The following SPAG16 variants were observed in gnomAD, a reference collection of about 807,000 sequenced individuals.
The protein encoded by SPAG16 is sperm associated antigen 16, also known as sperm-associated antigen 16 protein.
SPAG16 carries 86 observed loss-of-function variants against 80.4 expected under a neutral mutation model. The ratio of observed to expected loss-of-function variants is 1.07; its 90% confidence interval spans 0.90 to 1.28. The LOEUF (loss-of-function observed/expected upper bound fraction) is 1.28. SPAG16 is among the 50% of genes most tolerant of loss of function. The pLI is 0.00. For missense variants in SPAG16, 870 were observed against 765.3 expected, an observed-to-expected ratio of 1.14 and a Z score of -1.61; for synonymous variants, 294 against 265.9, an observed-to-expected ratio of 1.11 and a Z score of -1.03.
chr2:213,551,730 T>C (rs16850461), intron 10 of SPAG16, among the ~76,000 whole-genome samples: 7,765 of 152,274 alleles, frequency 0.051, 682 homozygotes, highest in African/African-American at 0.18. Flanking sequence ...CTGACCACTT[T>C]CTTTTCTGTG....
chr2:213,829,196 A>G (rs560934820), intron 10 of SPAG16, among the ~76,000 whole-genome samples: 2 of 152,126 alleles, frequency 1.3e-5, no homozygotes, highest in Admixed American at 6.5e-5. Flanking sequence ...AACCTTAGAA[A>G]TTTCCCTGAA....
intron 11 of SPAG16, among the ~76,000 whole-genome samples, chr2:213,866,351 C>T (rs997262333): frequency 9.2e-5 from 14 of 151,878 alleles, no homozygotes; most frequent in African/African-American, 3.4e-4. Context: ...AAAATGAAAG[C>T]AGTTGTATGT....
chr2:213,804,682 CAACTAACTAACT>C (rs75058174), intron 10 of SPAG16, among the ~76,000 whole-genome samples: 13,009 of 148,660 alleles, frequency 0.088, 826 homozygotes, highest in Non-Finnish European at 0.12. Context: ...GACTCCGTCT[CAACTAACTAACT>C]AACTAACTAA....
intron 10 of SPAG16, among the ~76,000 whole-genome samples, chr2:213,855,183 A>C (rs1638718655): frequency 1.3e-5 from 2 of 152,246 alleles, no homozygotes. Context: ...TTAGAAAATG[A>C]CAAAAAAGAC....
At chr2:214,212,698 G>T (rs905081129) in intron 15 of SPAG16, among the ~76,000 whole-genome samples, 1 of 152,188 alleles carries the variant, frequency 6.6e-6, no homozygotes, top group African/African-American at 2.4e-5. Flanking sequence ...ACCCCAGCTA[G>T]CTCTACTCTT....
chr2:213,914,747 T>C (rs2077868773), intron 11 of SPAG16, among the ~76,000 whole-genome samples: 1 of 152,206 alleles, frequency 6.6e-6, no homozygotes, highest in Admixed American at 6.5e-5. Context: ...GTGATATTGA[T>C]CTTTATTTCA....
intron 15 of SPAG16, among the ~76,000 whole-genome samples, chr2:214,226,292 C>T (rs2058696220): frequency 6.6e-6 from 1 of 151,966 alleles, no homozygotes; most frequent in African/African-American, 2.4e-5. Flanking sequence ...GTACATGGGA[C>T]AAAGTGAAAA....
intron 10 of SPAG16, among the ~76,000 whole-genome samples, chr2:213,618,584 C>G (rs554850830): frequency 6.6e-6 from 1 of 152,180 alleles, no homozygotes; most frequent in Non-Finnish European, 1.5e-5. Context: ...AACAGGGGCA[C>G]AGAAGGCCCT....
chr2:214,363,360 C>T (rs772744828), intron 15 of SPAG16, among the ~76,000 whole-genome samples: 5 of 151,850 alleles, frequency 3.3e-5, no homozygotes, highest in Admixed American at 6.6e-5. Context: ...ACCTGTTGAC[C>T]GCTCCTTATT....
At chr2:213,725,140 C>T (rs1442637715) in intron 10 of SPAG16, among the ~76,000 whole-genome samples, 1 of 151,952 alleles carries the variant, frequency 6.6e-6, no homozygotes, top group Non-Finnish European at 1.5e-5. Flanking sequence ...TCAGGTGATA[C>T]TCCCACCTCA....
intron 11 of SPAG16, among the ~76,000 whole-genome samples, chr2:213,906,442 CA>C (rs2077437381): frequency 1.3e-5 from 2 of 152,118 alleles, no homozygotes; most frequent in East Asian, 3.9e-4. Flanking sequence ...CCGTAATACC[CA>C]AAGTGACCTA....
chr2:213,409,645 G>T (rs188351742), intron 9 of SPAG16, among the ~76,000 whole-genome samples: 2,182 of 152,108 alleles, frequency 0.014, 58 homozygotes, highest in Non-Finnish European at 0.017. Context: ...TATCTACAAA[G>T]TTTTATTAAA....
At chr2:214,149,090 T>TATATAC (rs1553515482) in intron 14 of SPAG16, 50 bp from the exon 15 acceptor site, 119 of 616,834 alleles carry the variant, frequency 1.9e-4, no homozygotes, top group African/African-American at 1.9e-3. Context: ...TATATATATA[T>TATATAC]ATATATACAT....
intron 11 of SPAG16, among the ~76,000 whole-genome samples, chr2:213,866,056 T>A (rs189285172): frequency 1.3e-5 from 2 of 151,516 alleles, no homozygotes; most frequent in East Asian, 3.9e-4. Flanking sequence ...TTGAAGAAAC[T>A]GAGTTTTAAA....
intron 1 of SPAG16, among the ~76,000 whole-genome samples, chr2:213,287,477 G>A (rs2062097190): frequency 6.6e-6 from 1 of 152,178 alleles, no homozygotes; most frequent in Non-Finnish European, 1.5e-5. Flanking sequence ...CTTTGTTCAA[G>A]GAATAGTAAA....
intron 10 of SPAG16, among the ~76,000 whole-genome samples, chr2:213,498,728 C>T (rs2074603681): frequency 6.6e-6 from 1 of 152,080 alleles, no homozygotes; most frequent in African/African-American, 2.4e-5. Context: ...AACTTTCTCC[C>T]ATTTTATTTA....
chr2:213,902,302 T>TTTTCACAGC (rs370468928), intron 11 of SPAG16, among the ~76,000 whole-genome samples: 231 of 152,290 alleles, frequency 1.5e-3, no homozygotes, highest in African/African-American at 5.4e-3. Context: ...ATTTATGTAT[T>TTTTCACAGC]AGTCTGTTTT....
intron 11 of SPAG16, among the ~76,000 whole-genome samples, chr2:213,866,842 C>T (rs2075708360): frequency 6.6e-6 from 1 of 151,966 alleles, no homozygotes; most frequent in Non-Finnish European, 1.5e-5. Flanking sequence ...TTATTTTTTT[C>T]CCTTAATAAT....
At position 213,787,349 on chromosome 2, in the gene SPAG16, A is replaced by T. The variant is rs186899333; in HGVS notation, c.1071-75136A>T. On this transcript the variant is annotated intron_variant, in intron 10 of 15. Transcript: ENST00000331683. ...CTTTTGAAACTATAAGATATAAATA[A>T]ATAGACCAAGAGCTACTAAGCTACT... 7.9e-5 allele frequency among the ~76,000 whole-genome samples: 12 copies of T among 152,242 alleles called. No individual in the cohort carries two copies. The East Asian group carries it at 1.3e-3, about 17-fold the overall frequency.
Sources: allele counts gnomAD v4.1 joint callset (sites outside exome capture counted in the v4.1 genomes callset), GRCh38; gene constraint gnomAD v4.1.1; transcripts MANE v1.5; gene names NCBI Gene and HGNC (gene_info 2026-07-23, HGNC 2026-07-21).